Variants in CADM1 observed in about 807,000 individuals in gnomAD.
CADM1 encodes TSLC-1.
CADM1 carries 15 observed loss-of-function variants against 53.1 expected under a neutral mutation model. The observed-to-expected ratio is 0.28, with a 90% CI of 0.19 to 0.44. The LOEUF (loss-of-function observed/expected upper bound fraction) is 0.44. Among genes scored for constraint, CADM1 ranks in the 20% least tolerant of loss-of-function variants. CADM1 has a pLI of 1.00. For missense variants in CADM1, 434 were observed against 611.3 expected (o/e 0.71, Z 3.06); for synonymous variants, 281 against 243.0 (o/e 1.16, Z -1.45).
At chr11:115,242,975 C>T (rs1397116705) in intron 1 of CADM1, among the ~76,000 whole-genome samples, 2 of 152,152 alleles carry the variant, frequency 1.3e-5, no homozygotes, top group African/African-American at 2.4e-5. Context: ...CATATTAAGG[C>T]TACAGAACAT....
intron 1 of CADM1, among the ~76,000 whole-genome samples, chr11:115,295,506 T>TA (rs1944028080): frequency 3.6e-5 from 2 of 55,054 alleles, no homozygotes; most frequent in Non-Finnish European, 6.1e-5. Context: ...TCAAGATATT[T>TA]TATATATATA....
intron 1 of CADM1, among the ~76,000 whole-genome samples, chr11:115,318,070 G>A (rs1386146746): frequency 6.6e-6 from 1 of 151,622 alleles, no homozygotes; most frequent in Non-Finnish European, 1.5e-5. Flanking sequence ...AAAGCAAAAT[G>A]CGTACATAAC....
chr11:115,330,062 G>A (rs1591714360), intron 1 of CADM1, among the ~76,000 whole-genome samples: 4 of 151,650 alleles, frequency 2.6e-5, no homozygotes, highest in Middle Eastern at 6.8e-3. Flanking sequence ...ACATTTGGGT[G>A]TGAAAACAGG....
intron 1 of CADM1, among the ~76,000 whole-genome samples, chr11:115,274,499 C>T (rs1943389975): frequency 6.6e-6 from 1 of 152,220 alleles, no homozygotes; most frequent in Admixed American, 6.5e-5. Flanking sequence ...CTTGTTAATA[C>T]AAAATCTTGA....
intron 1 of CADM1, among the ~76,000 whole-genome samples, chr11:115,322,517 AT>A (rs2135191001): frequency 6.6e-6 from 1 of 152,326 alleles, no homozygotes; most frequent in Non-Finnish European, 1.5e-5. Flanking sequence ...ATTTCAGAAC[AT>A]TCTCTTCATC....
intron 1 of CADM1, among the ~76,000 whole-genome samples, chr11:115,308,887 T>G (rs370112173): frequency 6.6e-6 from 1 of 151,024 alleles, no homozygotes; most frequent in Non-Finnish European, 1.5e-5. Flanking sequence ...AGCACTATGC[T>G]AGATATGAAT....
rs10466584 is a variant in CADM1 at position 115,369,300 on chromosome 11, T to C, written c.125-128880A>G. Among the ~76,000 whole-genome samples, 776 of 152,214 alleles carry C rather than the reference T, an allele frequency of 5.1e-3. 8 individuals are homozygous for C. The highest frequency in any genetic ancestry group is 0.018 in the African/African-American group (741 of 41,524). On this transcript the variant is annotated intron_variant, in intron 1 of 11. Transcript: ENST00000331581. The stretch of plus-strand genomic sequence containing the variant: ...TCTTATGGCACCTTCTTTGAAACCT[T>C]TGGGCAAATGTGAGAAACATTAAGA...
chr11:115,492,932 TACAC>T (rs57800253), intron 1 of CADM1, among the ~76,000 whole-genome samples: 332 of 146,830 alleles, frequency 2.3e-3, no homozygotes, highest in East Asian at 0.012. Flanking sequence ...GGATATTTTA[TACAC>T]ACACACACAC....
intron 1 of CADM1, among the ~76,000 whole-genome samples, chr11:115,371,882 A>G (rs1946317593): frequency 6.6e-6 from 1 of 152,138 alleles, no homozygotes; most frequent in Non-Finnish European, 1.5e-5. Flanking sequence ...CTAATAGGTT[A>G]AAAGTAAAAT....
At chr11:115,380,364 C>T (rs1303029226) in intron 1 of CADM1, among the ~76,000 whole-genome samples, 1 of 152,182 alleles carries the variant, frequency 6.6e-6, no homozygotes, top group African/African-American at 2.4e-5. Flanking sequence ...AAAAGTGCTA[C>T]TGTGTGCCAT....
At chr11:115,276,529 C>T (rs1943449017) in intron 1 of CADM1, among the ~76,000 whole-genome samples, 1 of 152,174 alleles carries the variant, frequency 6.6e-6, no homozygotes, top group South Asian at 2.1e-4. Context: ...AATACACGCA[C>T]AGATCCTCAC....
intron 1 of CADM1, among the ~76,000 whole-genome samples, chr11:115,274,341 G>C (rs1943385476): frequency 6.6e-6 from 1 of 152,370 alleles, no homozygotes; most frequent in East Asian, 1.9e-4. Context: ...CCCGCACACT[G>C]TGTTAACAGT....
intron 8 of CADM1, 125 bp from the exon 9 acceptor site, chr11:115,198,563 A>C: frequency 2.8e-6 from 2 of 718,566 alleles, no homozygotes; most frequent in South Asian, 3.1e-5. Flanking sequence ...ACATCGCGTG[A>C]CAAGCAATAA....
intron 1 of CADM1, among the ~76,000 whole-genome samples, chr11:115,275,838 G>GGAGACATATTTTTTTC (rs982328077): frequency 3.3e-5 from 5 of 152,136 alleles, no homozygotes; most frequent in Admixed American, 2.6e-4. Context: ...TTCCACTAAC[G>GGAGACATATTTTTTTC]GAGACATATT....
At chr11:115,284,563 G>GCTATCTTTTT (rs914762918) in intron 1 of CADM1, among the ~76,000 whole-genome samples, 2 of 151,172 alleles carry the variant, frequency 1.3e-5, no homozygotes, top group African/African-American at 4.9e-5. Context: ...TTTTCAAAAA[G>GCTATCTTTTT]GAATAAAGCA....
chr11:115,307,075 T>C (rs78743725), intron 1 of CADM1, among the ~76,000 whole-genome samples: 2,269 of 152,026 alleles, frequency 0.015, 61 homozygotes, highest in African/African-American at 0.051. Context: ...AGTTACAGTA[T>C]TTCAGGCCAA....
intron 1 of CADM1, among the ~76,000 whole-genome samples, chr11:115,295,407 T>G (rs1344913933): frequency 6.6e-6 from 1 of 150,880 alleles, no homozygotes; most frequent in African/African-American, 2.4e-5. Flanking sequence ...GCTTCTGCCC[T>G]GGTTAAAGTA....
At chr11:115,185,172 G>T (rs1939485852) in intron 10 of CADM1, among the ~76,000 whole-genome samples, 2 of 152,176 alleles carry the variant, frequency 1.3e-5, no homozygotes, top group Non-Finnish European at 2.9e-5. Flanking sequence ...ATAGGGACCT[G>T]GTGTTTGCCA....
At chr11:115,226,666 G>C (rs755587946) in intron 5 of CADM1, among the ~76,000 whole-genome samples, 1 of 152,154 alleles carries the variant, frequency 6.6e-6, no homozygotes, top group Non-Finnish European at 1.5e-5. Flanking sequence ...TGCAGAGAGA[G>C]GACGGCTGTG....
Sources: gnomAD v4.1 joint callset for allele counts (sites outside exome capture counted in the v4.1 genomes callset) on GRCh38, gnomAD v4.1.1 for gene constraint, MANE v1.5 for transcripts, NCBI Gene and HGNC (gene_info 2026-07-23, HGNC 2026-07-21) for gene names.